Variants in FXR1 observed in about 807,000 individuals in gnomAD.
FXR1 encodes FMR1 autosomal homolog 1.
FXR1 carries 15 observed loss-of-function variants against 84.0 expected under a neutral mutation model. That is an observed-to-expected ratio of 0.18 (90% CI 0.12 to 0.27). The LOEUF (loss-of-function observed/expected upper bound fraction) is 0.27, where lower values mean the gene tolerates loss of function less well. FXR1 is among the 10% of genes least tolerant of loss of function. The pLI is 1.00. For synonymous variants in FXR1, 245 were observed against 250.7 expected (o/e 0.98, Z 0.21); for missense variants, 480 against 774.4 (o/e 0.62, Z 4.51).
intron 1 of FXR1, chr3:180,915,465 C>A: frequency 7.3e-7 from 1 of 1,376,630 alleles, no homozygotes; most frequent in Non-Finnish European, 1.0e-6. Flanking sequence ...TTCCATTTAG[C>A]GTAGAAGCAA....
At chr3:180,972,529 A>G (rs1370462242) in intron 15 of FXR1, among the ~76,000 whole-genome samples, 1 of 152,234 alleles carries the variant, frequency 6.6e-6, no homozygotes, top group East Asian at 1.9e-4. Context: ...TTCTGGCCCT[A>G]CTGTAAACAA....
intron 1 of FXR1, among the ~76,000 whole-genome samples, chr3:180,917,850 G>A (rs1300957369): frequency 6.6e-6 from 1 of 151,478 alleles, no homozygotes. Flanking sequence ...GGGAAGCTGA[G>A]GTGGGAGAAT....
intron 13 of FXR1, among the ~76,000 whole-genome samples, chr3:180,964,218 G>A (rs183200904): frequency 6.6e-6 from 1 of 152,070 alleles, no homozygotes; most frequent in African/African-American, 2.4e-5. Flanking sequence ...GATGAAAATT[G>A]CAGACTATTA....
At chr3:180,919,148 A>G (rs1408676158) in intron 1 of FXR1, among the ~76,000 whole-genome samples, 1 of 152,210 alleles carries the variant, frequency 6.6e-6, no homozygotes, top group East Asian at 1.9e-4. Flanking sequence ...GCTTTCTAAT[A>G]TAGTAGCCAC....
chr3:180,942,448 C>T (rs1255248411), intron 3 of FXR1, among the ~76,000 whole-genome samples: 1 of 136,756 alleles, frequency 7.3e-6, no homozygotes, highest in Non-Finnish European at 1.6e-5. Flanking sequence ...AAATTGATGA[C>T]TTTAGGATCC....
intron 7 of FXR1, among the ~76,000 whole-genome samples, chr3:180,949,787 T>C (rs1722038346): frequency 6.6e-6 from 1 of 152,238 alleles, no homozygotes; most frequent in African/African-American, 2.4e-5. Context: ...CAATTGCTTT[T>C]CCATTTTACC....
rs534148558 is a variant in FXR1 at position 180,982,635 on chromosome 3, ACTAT to A, written c.*6346_*6349del. ...CTTCATTGCCTGTCGGCATATTATC[ACTAT>A]CTGTCTTTGAAAAATTTTCTTTTAA... On this transcript the variant is annotated 3_prime_UTR_variant, in exon 17 of 17. Transcript: ENST00000357559. 1.8e-3 allele frequency: 274 copies of A among 152,228 alleles called. 1 individual carries two copies. The highest frequency in any genetic ancestry group is 6.4e-3 in the African/African-American group (264 of 41,558). 9.4% of individuals were successfully genotyped at this position (152,228 alleles called of 1,614,324 possible).
At chr3:180,933,450 T>G in intron 2 of FXR1, 64 bp downstream of exon 2, 1 of 879,872 alleles carries the variant, frequency 1.1e-6, no homozygotes, top group African/African-American at 1.6e-5. Flanking sequence ...TTTTTGCTTT[T>G]GGGTGTTCCT....
At chr3:180,940,376 A>T (rs1006024138) in intron 3 of FXR1, among the ~76,000 whole-genome samples, 1 of 152,174 alleles carries the variant, frequency 6.6e-6, no homozygotes, top group Non-Finnish European at 1.5e-5. Context: ...GATTTCGTTT[A>T]CATTGGGTAT....
chr3:180,952,279 A>G (rs1722301408), intron 8 of FXR1, among the ~76,000 whole-genome samples: 4 of 152,024 alleles, frequency 2.6e-5, no homozygotes, highest in Non-Finnish European at 4.4e-5. Context: ...TTGAATGACA[A>G]TTTTGTGTCT....
At chr3:180,944,514 A>G (rs1438757044) in intron 3 of FXR1, among the ~76,000 whole-genome samples, 1 of 151,592 alleles carries the variant, frequency 6.6e-6, no homozygotes, top group Admixed American at 6.6e-5. Context: ...TTTTATAGAG[A>G]CGAAATCTTC....
intron 8 of FXR1, among the ~76,000 whole-genome samples, chr3:180,952,536 AAC>A (rs749886106): frequency 2.6e-5 from 4 of 151,890 alleles, no homozygotes; most frequent in Non-Finnish European, 5.9e-5. Context: ...TAGCCTGAGC[AAC>A]AGAGAGCAAG....
chr3:180,971,952 TAAAG>T, intron 15 of FXR1: 1 of 152,428 alleles, frequency 6.6e-6, no homozygotes, highest in South Asian at 2.1e-4. Flanking sequence ...TTTCCCCAAA[TAAAG>T]AATGTAAATT....
intron 1 of FXR1, among the ~76,000 whole-genome samples, chr3:180,932,400 A>G (rs772541491): frequency 3.3e-5 from 5 of 152,222 alleles, no homozygotes; most frequent in Non-Finnish European, 7.3e-5. Context: ...TCATAGTAAT[A>G]TAAAGTCATT....
intron 1 of FXR1, among the ~76,000 whole-genome samples, chr3:180,913,821 A>G (rs28567082): frequency 0.011 from 1,702 of 152,328 alleles, 43 homozygotes; most frequent in African/African-American, 0.039. Context: ...AGTCTTGGCT[A>G]TTTTTATGAA....
At chr3:180,946,529 C>T (rs1176019212) in intron 3 of FXR1, among the ~76,000 whole-genome samples, 2 of 152,034 alleles carry the variant, frequency 1.3e-5, no homozygotes, top group East Asian at 3.9e-4. Context: ...GATATTGATC[C>T]CTTTGAATAG....
Position 180,961,521 on chromosome 3 carries a change from G to A in FXR1, c.1044G>A (p.Gln348=). ...VGTKESIGNV[Q]VLLEYHIAYL... ...CTAAAGAAAGCATTGGAAATGTGCAGGTTCTTCTAGAGTATCATATTGCCT... is the reference window on the plus strand; with the variant it reads ...CTAAAGAAAGCATTGGAAATGTGCAAGTTCTTCTAGAGTATCATATTGCCT... Residue 348 remains glutamine (Q), a synonymous_variant, in exon 11 of 17, where the codon CAG becomes CAA. Coordinates refer to ENST00000357559, the MANE Select transcript of FXR1 (RefSeq NM_005087.4). The A allele has an allele frequency of 6.4e-7, 1 of 1,557,584 alleles. No individual in the cohort carries two copies. Among genetic ancestry groups the A allele is most frequent in the Non-Finnish European group, 8.9e-7 (1 of 1,129,234 alleles).
intron 1 of FXR1, among the ~76,000 whole-genome samples, chr3:180,931,027 A>AAAAAAAAAAAAAG: frequency 1.5e-5 from 1 of 68,906 alleles, no homozygotes; most frequent in Non-Finnish European, 2.8e-5. Flanking sequence ...AGACTGCCTC[A>AAAAAAAAAAAAAG]AAAAAAAAAA....
chr3:180,953,800 A>G lies in FXR1; in HGVS notation c.840A>G (p.Glu280=). The change falls in exon 9 of 17, where the codon GAA becomes GAG. Residue 280 remains glutamate, a synonymous_variant. Coordinates refer to ENST00000357559, the MANE Select transcript of FXR1 (RefSeq NM_005087.4). ...TAAAAAAGGCTAGAGGTTTCTTGGA[A>G]TTTGTGGAGGATTTTATTCAGGTTC... ...DAVKKARGFL[E]FVEDFIQVPR... 1 of 1,588,744 alleles carries G rather than the reference A, an allele frequency of 6.3e-7. No homozygotes were observed. The highest frequency in any genetic ancestry group is 8.6e-7 in the Non-Finnish European group (1 of 1,157,604).
Sources: gnomAD v4.1 joint callset for allele counts (sites outside exome capture counted in the v4.1 genomes callset) on GRCh38, gnomAD v4.1.1 for gene constraint, MANE v1.5 for transcripts, NCBI Gene and HGNC (gene_info 2026-07-23, HGNC 2026-07-21) for gene names.